Variants in PHF20 observed in about 807,000 individuals in gnomAD.
PHF20 encodes PHD finger protein 20, also known as glioma-expressed antigen 2.
PHF20 carries 23 observed loss-of-function variants against 113.5 expected under a neutral mutation model. That is an observed-to-expected ratio of 0.20 (90% CI 0.15 to 0.29). The LOEUF is 0.29. PHF20 is among the 10% of genes least tolerant of loss of function. PHF20 has a pLI of 1.00. For synonymous variants in PHF20, 434 were observed against 457.3 expected, an observed-to-expected ratio of 0.95 and a Z score of 0.65; for missense variants, 943 against 1,219.6, an observed-to-expected ratio of 0.77 and a Z score of 3.38.
intron 1 of PHF20, among the ~76,000 whole-genome samples, chr20:35,784,214 C>G (rs1313596135): frequency 6.6e-6 from 1 of 151,532 alleles, no homozygotes; most frequent in African/African-American, 2.4e-5. Context: ...CCACCACGCC[C>G]GGCTAATTTT....
At chr20:35,823,746 C>G (rs1029716004) in intron 2 of PHF20, among the ~76,000 whole-genome samples, 3 of 151,958 alleles carry the variant, frequency 2.0e-5, no homozygotes, top group Non-Finnish European at 4.4e-5. Flanking sequence ...CCTGGCACCT[C>G]CAGCTCCTGT....
chr20:35,774,048 T>G (rs1039460950), intron 1 of PHF20, among the ~76,000 whole-genome samples: 1 of 151,752 alleles, frequency 6.6e-6, no homozygotes, highest in African/African-American at 2.4e-5. Flanking sequence ...GGTGGGGAAA[T>G]GGATATTTTT....
chr20:35,842,415 C>T (rs1037810135), intron 2 of PHF20, among the ~76,000 whole-genome samples, 158 bp from the exon 3 acceptor site: 2 of 152,134 alleles, frequency 1.3e-5, no homozygotes, highest in Non-Finnish European at 2.9e-5. Context: ...GTCTGTTACC[C>T]TCCATAATTT....
chr20:35,807,989 GA>G (rs1018452843), intron 2 of PHF20, among the ~76,000 whole-genome samples: 16 of 152,000 alleles, frequency 1.1e-4, no homozygotes, highest in Admixed American at 2.6e-4. Flanking sequence ...GCAGTAGGAA[GA>G]AAAAGGAGAT....
chr20:35,795,190 T>G (rs1442505359), intron 1 of PHF20, among the ~76,000 whole-genome samples: 1 of 135,016 alleles, frequency 7.4e-6, no homozygotes, highest in East Asian at 2.1e-4. Flanking sequence ...GACTCTGTCT[T>G]AAAAAAAAAA....
At chr20:35,802,780 A>G (rs2041804428) in intron 2 of PHF20, among the ~76,000 whole-genome samples, 1 of 151,338 alleles carries the variant, frequency 6.6e-6, no homozygotes, top group African/African-American at 2.4e-5. Flanking sequence ...TCTACTAAAA[A>G]TACAAAAAAT....
chr20:35,822,067 CAG>C (rs1317246151), intron 2 of PHF20, among the ~76,000 whole-genome samples: 2 of 152,158 alleles, frequency 1.3e-5, no homozygotes, highest in African/African-American at 2.4e-5. Context: ...AGTTGAATAA[CAG>C]AGTCAGATGT....
chr20:35,797,513 C>CAA (rs1396205999), intron 1 of PHF20, among the ~76,000 whole-genome samples: 3 of 81,058 alleles, frequency 3.7e-5, no homozygotes, highest in Non-Finnish European at 5.0e-5. Context: ...GACCCTGTCT[C>CAA]AAAAAAAAAA....
intron 2 of PHF20, among the ~76,000 whole-genome samples, chr20:35,814,549 C>G (rs117103467): frequency 0.018 from 2,753 of 150,706 alleles, 30 homozygotes; most frequent in Non-Finnish European, 0.024. Flanking sequence ...AAATATCAGG[C>G]CTGGGTAACA....
intron 17 of PHF20, among the ~76,000 whole-genome samples, chr20:35,942,348 A>G (rs6060704): frequency 0.098 from 14,927 of 152,240 alleles, 783 homozygotes; most frequent in South Asian, 0.15. Context: ...AGGAGGATAT[A>G]ATGTTAGACA....
At chr20:35,850,138 G>A (rs752533600) in intron 4 of PHF20, among the ~76,000 whole-genome samples, 6 of 152,004 alleles carry the variant, frequency 3.9e-5, no homozygotes, top group Admixed American at 2.6e-4. Flanking sequence ...TATTTAGTAC[G>A]AAGGCAGCGG....
At position 35,871,727 on chromosome 20, in the gene PHF20, G is replaced by C. The variant is rs745791223; in HGVS notation, c.1180G>C (p.Ala394Pro). Residue 394 changes from alanine (A) to proline (P), a missense_variant, in exon 9 of 18, where the codon GCT (alanine) becomes CCT (proline). Physicochemically the swap from Ala to Pro is conservative, Grantham distance 27. This residue lies in a region of PHF20 where 592 missense variants were observed against 787.2 expected (regional missense o/e 0.75). Transcript: ENST00000374012. The stretch of plus-strand genomic sequence containing the variant: ...CCACTCCTTTGGGGATGGATCCGGG[G>C]CTGCAGGCTTGGAGTTGAACTGCCC... ...TCHSFGDGSG[A>P]AGLELNCPSM... The C allele has an allele frequency of 1.1e-5, 18 of 1,613,878 alleles. No individual in the cohort carries two copies. The Admixed American group carries it at 3.0e-4, about 27-fold the overall frequency.
chr20:35,799,440 T>C (rs2041735319), intron 1 of PHF20, among the ~76,000 whole-genome samples: 1 of 151,750 alleles, frequency 6.6e-6, no homozygotes, highest in Admixed American at 6.6e-5. Flanking sequence ...CATTCCAGCC[T>C]GGACAACAGA....
At position 35,871,042 on chromosome 20, in the gene PHF20, A is replaced by G. The variant is rs142799301; in HGVS notation, c.1010A>G (p.His337Arg). ...RSSRLSTNGT[H>R]EILDPDLVVS... is the part of the protein sequence containing the mutation. ...TCCAGGCTGTCCACTAATGGGACCC[A>G]TGAGATCCTAGATCCTGACTTGGTT... is the stretch of plus-strand genomic sequence containing the variant. The change falls in exon 8 of 18, where the codon CAT becomes CGT. Residue 337 changes from histidine (H) to arginine (R), a missense_variant. By Grantham distance (29) the His-to-Arg change is conservative. Around this residue, in one of 3 missense-constraint regions of PHF20, gnomAD observed 592 missense variants for 787.2 expected, o/e 0.75. Coordinates refer to ENST00000374012, the MANE Select transcript of PHF20 (RefSeq NM_016436.5). The G allele has an allele frequency of 1.2e-5, 19 of 1,613,250 alleles. No individual in the cohort carries two copies. The highest frequency in any genetic ancestry group is 1.6e-5 in the Non-Finnish European group (19 of 1,179,786).
At chr20:35,876,096 A>C (rs1266979645) in intron 9 of PHF20, among the ~76,000 whole-genome samples, 1 of 152,184 alleles carries the variant, frequency 6.6e-6, no homozygotes, top group Non-Finnish European at 1.5e-5. Context: ...TTTCTAAGGG[A>C]ATAATTTTGA....
chr20:35,899,626 G>A lies in PHF20; in HGVS notation c.1539G>A (p.Lys513=). ...CCAGCCAGGAGACCCTGACCAGGAA[G>A]CGGGTCTCTGCCAGTTCCCCAAGTA... ...DKPSQETLTR[K]RVSASSPTTK... The change falls in exon 10 of 18, where the codon AAG becomes AAA. Residue 513 remains lysine, a synonymous_variant. Coordinates refer to ENST00000374012, the MANE Select transcript of PHF20 (RefSeq NM_016436.5). 1 of 1,614,122 alleles carries A rather than the reference G, an allele frequency of 6.2e-7. No individual in the cohort carries two copies. The highest frequency in any genetic ancestry group is 8.5e-7 in the Non-Finnish European group (1 of 1,180,004).
At position 35,940,952 on chromosome 20, in the gene PHF20, C is replaced by G; in HGVS notation, c.2801C>G (p.Ser934Cys). ...AGAGGTGGAGAGGGGCTGCTGAGCT[C>G]CCAGCACCAGTGGCAGTTTAACCTG... ...LDRGGEGLLS[S>C]QHQWQFNLLT... Residue 934 changes from serine (S) to cysteine (C), a missense_variant, in exon 17 of 18, where the codon TCC becomes TGC. Physicochemically the swap from Ser to Cys is moderately radical, Grantham distance 112. Around this residue, in one of 3 missense-constraint regions of PHF20, gnomAD observed 349 missense variants for 412.3 expected, o/e 0.85. Transcript: ENST00000374012. 1.2e-6 allele frequency: 2 copies of G among 1,614,182 alleles called. No homozygotes were observed. Among genetic ancestry groups the G allele is most frequent in the Non-Finnish European group, 1.7e-6 (2 of 1,180,008 alleles).
chr20:35,853,758 T>C (rs1214842775), intron 4 of PHF20, among the ~76,000 whole-genome samples: 1 of 121,300 alleles, frequency 8.2e-6, no homozygotes, highest in East Asian at 2.2e-4. Flanking sequence ...TATTTCTTTC[T>C]TTTTTTTTTT....
intron 3 of PHF20, 134 bp from the exon 4 acceptor site, chr20:35,847,216 C>T (rs2042640059): frequency 1.7e-6 from 1 of 591,654 alleles, no homozygotes; most frequent in East Asian, 2.9e-5. Context: ...AAATATCTTC[C>T]TCCATCTCAA....
Sources: gnomAD v4.1 joint callset for allele counts (sites outside exome capture counted in the v4.1 genomes callset) on GRCh38, gnomAD v4.1.1 for gene constraint, gnomAD v4.1.1 regional missense constraint, MANE v1.5 for transcripts, NCBI Gene and HGNC (gene_info 2026-07-23, HGNC 2026-07-21) for gene names.